The following OXCT1 variants were observed in gnomAD, a reference collection of about 807,000 sequenced individuals.
OXCT1 encodes succinyl-CoA:3-ketoacid coenzyme A transferase 1, mitochondrial.
In OXCT1, 27 loss-of-function variants were observed where a neutral mutation model predicts 69.6. That is an observed-to-expected ratio of 0.39 (90% confidence interval 0.29 to 0.54). The LOEUF (loss-of-function observed/expected upper bound fraction) is 0.54, where lower values mean the gene tolerates loss of function less well. OXCT1 is among the 20% of genes least tolerant of loss of function. The pLI, the probability that OXCT1 is intolerant of heterozygous loss-of-function variation, is 0.72. For missense variants in OXCT1, 437 were observed against 650.2 expected (o/e 0.67, Z 3.57); for synonymous variants, 202 against 217.8 (o/e 0.93, Z 0.64).
intron 14 of OXCT1, among the ~76,000 whole-genome samples, chr5:41,749,855 A>G (rs1197811209): frequency 1.3e-5 from 2 of 152,078 alleles, no homozygotes; most frequent in East Asian, 3.9e-4. Context: ...TCCTGCCAGA[A>G]ATTTGACTTC....
At chr5:41,749,988 T>C (rs943440662) in intron 14 of OXCT1, among the ~76,000 whole-genome samples, 4 of 152,176 alleles carry the variant, frequency 2.6e-5, no homozygotes, top group East Asian at 1.9e-4. Flanking sequence ...GCAAAGCACA[T>C]ACAGAACACA....
At chr5:41,744,110 G>A (rs1743343839) in intron 15 of OXCT1, among the ~76,000 whole-genome samples, 1 of 152,178 alleles carries the variant, frequency 6.6e-6, no homozygotes, top group Non-Finnish European at 1.5e-5. Flanking sequence ...TCCTACCCAT[G>A]AGCATGGAAT....
At position 41,730,314 on chromosome 5, in the gene OXCT1, A is replaced by C. The variant is rs539009060; in HGVS notation, c.*1415T>G. ...CCAGTACTGGGAAGGTATGCATTTA[A>C]CCATGTGGTCAGCCAGAAAGGCTGT... On this transcript the variant is annotated 3_prime_UTR_variant, in exon 17 of 17. Transcript: ENST00000196371. 1 of 152,346 alleles carries C rather than the reference A, an allele frequency of 6.6e-6. No individual in the cohort carries two copies. The highest frequency in any genetic ancestry group is 2.1e-4 in the South Asian group (1 of 4,822). The allele number at this position is 152,346 out of a possible 1,614,324, so 9.4% of individuals were successfully genotyped here.
chr5:41,752,144 T>C (rs756527328), intron 14 of OXCT1, among the ~76,000 whole-genome samples: 2 of 152,110 alleles, frequency 1.3e-5, no homozygotes, highest in Non-Finnish European at 2.9e-5. Flanking sequence ...GAATGCAGTA[T>C]GGTGTGGGAG....
intron 11 of OXCT1, among the ~76,000 whole-genome samples, chr5:41,796,903 C>T (rs990944723): frequency 6.6e-6 from 1 of 152,180 alleles, no homozygotes; most frequent in African/African-American, 2.4e-5. Flanking sequence ...AGAGATAATG[C>T]CATTGCCCCT....
chr5:41,819,407 G>A (rs968569487), intron 7 of OXCT1, among the ~76,000 whole-genome samples: 8 of 151,958 alleles, frequency 5.3e-5, no homozygotes, highest in African/African-American at 7.3e-5. Flanking sequence ...AGTTTCACTC[G>A]TTACCCAGGC....
chr5:41,826,324 A>T (rs1486051244), intron 7 of OXCT1, among the ~76,000 whole-genome samples: 4 of 152,214 alleles, frequency 2.6e-5, no homozygotes, highest in African/African-American at 4.8e-5. Context: ...GAACTTTGGA[A>T]GACAGGGAAA....
chr5:41,838,729 G>A (rs1748491750), intron 7 of OXCT1, among the ~76,000 whole-genome samples: 2 of 151,456 alleles, frequency 1.3e-5, no homozygotes, highest in South Asian at 4.2e-4. Context: ...GGACTCAGGC[G>A]ATCCTCAGAC....
At chr5:41,801,377 A>C (rs930084709) in intron 10 of OXCT1, among the ~76,000 whole-genome samples, 3 of 152,248 alleles carry the variant, frequency 2.0e-5, no homozygotes, top group Admixed American at 1.3e-4. Context: ...CTACTATGAA[A>C]ATGTATTAGA....
intron 7 of OXCT1, among the ~76,000 whole-genome samples, chr5:41,838,410 T>A (rs536068113): frequency 6.6e-6 from 1 of 152,314 alleles, no homozygotes; most frequent in South Asian, 2.1e-4. Context: ...GTGTCAGGGG[T>A]AGGCTTACAA....
intron 13 of OXCT1, among the ~76,000 whole-genome samples, chr5:41,766,715 TGAAAATCA>T (rs1744622289): frequency 6.6e-6 from 1 of 152,150 alleles, no homozygotes; most frequent in East Asian, 1.9e-4. Context: ...CAAAACACAC[TGAAAATCA>T]TTCTTGCCGT....
intron 13 of OXCT1, among the ~76,000 whole-genome samples, chr5:41,771,990 G>A (rs1211918450): frequency 6.6e-6 from 1 of 152,104 alleles, no homozygotes; most frequent in East Asian, 1.9e-4. Context: ...TTTTTTAAAG[G>A]TTTATACTTT....
Position 41,840,515 on chromosome 5 carries a change from C to G in OXCT1, c.672-4G>C, listed in dbSNP as rs1382406569. On this transcript the variant is annotated splice_polypyrimidine_tract_variant and splice_region_variant and intron_variant, in intron 6 of 16. Transcript: ENST00000196371. ...GTTGAAATTCCTTGCACTTTTCCTA[C>G]AGGGGTGGAGGAGATAAGAAAGTGG... The G allele has an allele frequency of 2.5e-6, 4 of 1,610,304 alleles. No homozygotes were observed. Among genetic ancestry groups the G allele is most frequent in the Non-Finnish European group, 3.4e-6 (4 of 1,177,066 alleles).
chr5:41,836,606 C>T (rs1748374907), intron 7 of OXCT1, among the ~76,000 whole-genome samples: 2 of 152,164 alleles, frequency 1.3e-5, no homozygotes, highest in Admixed American at 6.5e-5. Flanking sequence ...TGGGATGAAA[C>T]TGTTCCACCT....
intron 7 of OXCT1, among the ~76,000 whole-genome samples, chr5:41,810,397 T>C (rs1746911302): frequency 1.3e-5 from 2 of 152,024 alleles, no homozygotes; most frequent in African/African-American, 4.8e-5. Flanking sequence ...GGCAAAGCAA[T>C]GGGCAGATGT....
intron 7 of OXCT1, among the ~76,000 whole-genome samples, chr5:41,815,570 T>C (rs529348645): frequency 4.0e-4 from 61 of 152,284 alleles, no homozygotes; most frequent in African/African-American, 1.5e-3. Context: ...CTATATTTCA[T>C]TTGTCATATC....
At chr5:41,761,519 A>C (rs566365097) in intron 14 of OXCT1, among the ~76,000 whole-genome samples, 176 of 152,266 alleles carry the variant, frequency 1.2e-3, no homozygotes, top group Non-Finnish European at 2.1e-3. Context: ...ATTTTTGTCC[A>C]GTTTTGGTCA....
chr5:41,784,702 T>C (rs929002921), intron 13 of OXCT1, among the ~76,000 whole-genome samples: 1 of 152,244 alleles, frequency 6.6e-6, no homozygotes, highest in African/African-American at 2.4e-5. Context: ...ATAACAGGAA[T>C]ATTTGTATTT....
At chr5:41,845,248 T>C (rs1748841778) in intron 5 of OXCT1, among the ~76,000 whole-genome samples, 2 of 152,136 alleles carry the variant, frequency 1.3e-5, no homozygotes. Flanking sequence ...TTATCTCCAC[T>C]TGCCTCGTTC....
Sources: allele counts gnomAD v4.1 joint callset (sites outside exome capture counted in the v4.1 genomes callset), GRCh38; gene constraint gnomAD v4.1.1; transcripts MANE v1.5; gene names NCBI Gene and HGNC (gene_info 2026-07-23, HGNC 2026-07-21).